Variants in LOC122539214 observed in about 807,000 individuals in gnomAD.
At chr19:52,653,408 C>T in the LOC122539214 span, 1 of 887,390 alleles carries the variant, frequency 1.1e-6, no homozygotes, top group African/African-American at 1.7e-5. Context: ...TAAGGTTTCT[C>T]TTCAGTATGA....
At chr19:52,681,562 T>C in the LOC122539214 span, among the ~76,000 whole-genome samples, 2 of 152,202 alleles carry the variant, frequency 1.3e-5, no homozygotes, top group African/African-American at 4.8e-5. Flanking sequence ...AATAACATAC[T>C]GTCCCATGAA....
At chr19:52,664,412 G>A in the LOC122539214 span, among the ~76,000 whole-genome samples, 21 of 151,972 alleles carry the variant, frequency 1.4e-4, no homozygotes, top group African/African-American at 5.1e-4. Flanking sequence ...GGGAGGATCC[G>A]TTGAACCCAG....
At chr19:52,665,537 A>C in the LOC122539214 span, among the ~76,000 whole-genome samples, 7 of 152,220 alleles carry the variant, frequency 4.6e-5, no homozygotes, top group Non-Finnish European at 1.0e-4. Flanking sequence ...TCTTCAAAGA[A>C]TCAATGTGTC....
chr19:52,652,847 C>T, the LOC122539214 span: 1 of 971,140 alleles, frequency 1.0e-6, no homozygotes, highest in Non-Finnish European at 1.6e-6. Context: ...TGATGGCATA[C>T]AAAGGATGAC....
chr19:52,677,502 A>ATGAACACT, the LOC122539214 span, among the ~76,000 whole-genome samples: 2 of 151,704 alleles, frequency 1.3e-5, no homozygotes, highest in African/African-American at 4.9e-5. Flanking sequence ...AAAAAAAGAA[A>ATGAACACT]AAGAGATCCA....
the LOC122539214 span, among the ~76,000 whole-genome samples, chr19:52,669,685 G>C: frequency 6.6e-6 from 1 of 152,094 alleles, no homozygotes; most frequent in African/African-American, 2.4e-5. Context: ...TTTTCAGGAT[G>C]GCTAGAAAAG....
At chr19:52,654,234 A>C in the LOC122539214 span, 1 of 1,579,924 alleles carries the variant, frequency 6.3e-7, no homozygotes, top group Non-Finnish European at 8.7e-7. Context: ...CATTTCTTTT[A>C]ATTTCTTGCC....
chr19:52,676,476 C>G, the LOC122539214 span, among the ~76,000 whole-genome samples: 1 of 151,902 alleles, frequency 6.6e-6, no homozygotes, highest in African/African-American at 2.4e-5. Flanking sequence ...CCCGGCCCGG[C>G]TAGCCTCCCC....
chr19:52,680,251 T>G, the LOC122539214 span, among the ~76,000 whole-genome samples: 1 of 152,056 alleles, frequency 6.6e-6, no homozygotes, highest in Admixed American at 6.5e-5. Context: ...AGAGCCAAGA[T>G]AGACAAGAGC....
At chr19:52,654,862 A>C in the LOC122539214 span, 1 of 153,420 alleles carries the variant, frequency 6.5e-6, no homozygotes, top group Admixed American at 6.5e-5. Flanking sequence ...AGTACCAGTG[A>C]GAGATGCTTC....
At chr19:52,663,193 C>G in the LOC122539214 span, among the ~76,000 whole-genome samples, 4 of 152,022 alleles carry the variant, frequency 2.6e-5, no homozygotes, top group African/African-American at 9.7e-5. Context: ...CCAGGACCAT[C>G]TGTTATATAC....
At chr19:52,676,723 T>G in the LOC122539214 span, among the ~76,000 whole-genome samples, 1 of 138,738 alleles carries the variant, frequency 7.2e-6, no homozygotes, top group Admixed American at 7.2e-5. Flanking sequence ...AATCGGATGG[T>G]TGCCGTGTCT....
At chr19:52,670,597 C>A in the LOC122539214 span, among the ~76,000 whole-genome samples, 1 of 152,128 alleles carries the variant, frequency 6.6e-6, no homozygotes, top group Non-Finnish European at 1.5e-5. Flanking sequence ...GAGTCAAACT[C>A]TGTAAAATAT....
chr19:52,656,372 A>T, the LOC122539214 span, among the ~76,000 whole-genome samples: 9,937 of 151,958 alleles, frequency 0.065, 423 homozygotes, highest in Middle Eastern at 0.11. Flanking sequence ...AAATAGAAAA[A>T]TTAGCTGGGC....
At chr19:52,652,614 G>A in the LOC122539214 span, 1 of 450,442 alleles carries the variant, frequency 2.2e-6, no homozygotes, top group Non-Finnish European at 4.4e-6. Flanking sequence ...AACAATGTCT[G>A]AAATATCTGC....
At chr19:52,677,099 T>C in the LOC122539214 span, among the ~76,000 whole-genome samples, 9 of 131,228 alleles carry the variant, frequency 6.9e-5, no homozygotes, top group African/African-American at 1.8e-4. Context: ...TCCCCCTCTG[T>C]GAGAAACACC....
At chr19:52,688,317 C>T in the LOC122539214 span, among the ~76,000 whole-genome samples, 18 of 151,708 alleles carry the variant, frequency 1.2e-4, no homozygotes, top group Non-Finnish European at 2.5e-4. Context: ...ATTACAGGTG[C>T]GCACCATCAT....
chr19:52,652,916 G>T, the LOC122539214 span: 2 of 1,141,336 alleles, frequency 1.8e-6, no homozygotes, highest in Non-Finnish European at 2.6e-6. Flanking sequence ...CCACTATGAA[G>T]TCTATAATGG....
the LOC122539214 span, among the ~76,000 whole-genome samples, chr19:52,678,372 C>T: frequency 6.7e-6 from 1 of 149,924 alleles, no homozygotes; most frequent in African/African-American, 2.5e-5. Context: ...ATCACTTGAA[C>T]CTGGGGGACA....
Sources: allele counts gnomAD v4.1 joint callset (sites outside exome capture counted in the v4.1 genomes callset), GRCh38; gene constraint gnomAD v4.1.1; transcripts MANE v1.5.